Variants in PLCG2 observed in about 807,000 individuals in gnomAD.
PLCG2 encodes the protein 1-phosphatidylinositol 4,5-bisphosphate phosphodiesterase gamma-2.
Under a neutral mutation model 175.6 loss-of-function variants are expected in PLCG2, and 69 were observed. The observed-to-expected ratio is 0.39, with a 90% CI of 0.32 to 0.48. The LOEUF (loss-of-function observed/expected upper bound fraction) is 0.48, where lower values mean the gene tolerates loss of function less well. Ranked by LOEUF, PLCG2 falls within the 20% of genes least tolerant of loss-of-function variation. The probability of loss-of-function intolerance (pLI) is 0.91; values close to 1 mark genes in which losing one functional copy is unlikely to be tolerated. For synonymous variants in PLCG2, 827 were observed against 624.0 expected (o/e 1.33, Z -4.85); for missense variants, 1,798 against 1,650.9 (o/e 1.09, Z -1.54).
intron 2 of PLCG2, among the ~76,000 whole-genome samples, chr16:81,830,892 G>C (rs937794402): frequency 7.9e-5 from 12 of 151,978 alleles, no homozygotes; most frequent in African/African-American, 2.9e-4. Flanking sequence ...GTCCAGGCAG[G>C]AGAGGGGAGA....
intron 5 of PLCG2, among the ~76,000 whole-genome samples, chr16:81,860,426 G>A (rs868673843): frequency 1.3e-5 from 2 of 152,010 alleles, no homozygotes; most frequent in African/African-American, 4.8e-5. Context: ...ACGAATACCA[G>A]CAGCACAGCG....
intron 10 of PLCG2, among the ~76,000 whole-genome samples, chr16:81,890,410 A>G (rs2143598870): frequency 6.6e-6 from 1 of 152,192 alleles, no homozygotes; most frequent in East Asian, 1.9e-4. Flanking sequence ...GGCAAGATAG[A>G]GGTTGGTTAG....
intron 30 of PLCG2, among the ~76,000 whole-genome samples, chr16:81,943,064 T>C (rs1246309162): frequency 6.6e-6 from 1 of 152,164 alleles, no homozygotes; most frequent in Non-Finnish European, 1.5e-5. Context: ...TAGTGTCAGA[T>C]AGTACTGTCC....
chr16:81,954,178 T>C, intron 31 of PLCG2, among the ~76,000 whole-genome samples: 1 of 152,026 alleles, frequency 6.6e-6, no homozygotes, highest in Non-Finnish European at 1.5e-5. Flanking sequence ...TATGCCACCA[T>C]GCCTGGCTAA....
rs117257099 is a variant in PLCG2, at chr16:81,930,663, G to A, written c.2582-834G>A. Among the ~76,000 whole-genome samples, 907 of 149,710 alleles carry A rather than the reference G, an allele frequency of 6.1e-3. 14 individuals carry two copies. Among genetic ancestry groups the A allele is most frequent in the East Asian group, 0.057 (289 of 5,066 alleles). ...CTAGGGAGGCTGAGGTGGGAGGATC[G>A]CATGAACTTGGAAGGTGGAGGCTGC... On this transcript the variant is annotated intron_variant, in intron 24 of 32. Coordinates refer to ENST00000564138, the MANE Select transcript of PLCG2 (RefSeq NM_002661.5).
At chr16:81,818,644 G>T (rs554220681) in intron 2 of PLCG2, among the ~76,000 whole-genome samples, 1 of 152,154 alleles carries the variant, frequency 6.6e-6, no homozygotes, top group Non-Finnish European at 1.5e-5. Flanking sequence ...CAACTAGCCG[G>T]GCATACCTTT....
intron 2 of PLCG2, among the ~76,000 whole-genome samples, chr16:81,836,616 C>T (rs946864839): frequency 6.6e-6 from 1 of 152,180 alleles, no homozygotes; most frequent in African/African-American, 2.4e-5. Flanking sequence ...TGGCACACTC[C>T]TTTGGTCCCA....
chr16:81,758,057 C>G (rs1050653365), intron 2 of PLCG2, among the ~76,000 whole-genome samples: 1 of 152,220 alleles, frequency 6.6e-6, no homozygotes, highest in African/African-American at 2.4e-5. Flanking sequence ...CTCTCTGCAG[C>G]TTCCACCTCA....
intron 7 of PLCG2, among the ~76,000 whole-genome samples, chr16:81,880,525 A>G (rs974392278): frequency 8.5e-5 from 13 of 152,162 alleles, no homozygotes; most frequent in African/African-American, 3.1e-4. Flanking sequence ...CAAAGAAAGG[A>G]AACAGGGTTA....
chr16:81,929,265 G>A lies in PLCG2; in HGVS notation c.2581+641G>A, dbSNP rs563633724. On this transcript the variant is annotated intron_variant, in intron 24 of 32. Transcript: ENST00000564138. ...CCCATGTGAAGGGACTCTGTAGCGG[G>A]CCTCCTTGTTCTGGGCAGCCCATGA... is the stretch of plus-strand genomic sequence containing the variant. 2.6e-5 allele frequency among the ~76,000 whole-genome samples: 4 copies of A among 152,314 alleles called. No individual in the cohort carries two copies. The East Asian group carries it at 7.7e-4, about 29-fold the overall frequency.
At chr16:81,842,000 T>G (rs1173142336) in intron 2 of PLCG2, among the ~76,000 whole-genome samples, 10 of 152,240 alleles carry the variant, frequency 6.6e-5, no homozygotes, top group Admixed American at 6.5e-4. Flanking sequence ...GGTGGAGCCC[T>G]CCTGGGGCCA....
At chr16:81,938,655 G>T (rs1910813871) in intron 28 of PLCG2, 146 bp from the exon 29 acceptor site, 2 of 607,258 alleles carry the variant, frequency 3.3e-6, no homozygotes, top group Non-Finnish European at 5.9e-6. Flanking sequence ...ACTGCAGAAG[G>T]TTGCTCCGGC....
In PLCG2 at chr16:81,931,558, G is replaced by C; in HGVS notation, c.2643G>C (p.Gln881His). ...SFVFILEPKQ[Q>H]GDPPVEFATD... ...TCTTCATCCTGGAGCCCAAGCAGCA[G>C]GGCGATCCTCCGGTGGAGTTTGCCA... Residue 881 changes from glutamine to histidine, a missense_variant, in exon 25 of 33, where the codon CAG (glutamine) becomes CAC (histidine). By Grantham distance (24) the Gln-to-His change is conservative (BLOSUM62 0). Transcript: ENST00000564138. 1 of 1,614,120 alleles carries C rather than the reference G, an allele frequency of 6.2e-7. No homozygotes were observed. The highest frequency in any genetic ancestry group is 8.5e-7 in the Non-Finnish European group (1 of 1,180,002).
chr16:81,858,069 T>C (rs978415569), intron 3 of PLCG2, 194 bp from the exon 4 acceptor site: 20 of 559,584 alleles, frequency 3.6e-5, no homozygotes, highest in Admixed American at 2.1e-4. Context: ...ATCATGAATG[T>C]GTGGCCCCAT....
intron 5 of PLCG2, among the ~76,000 whole-genome samples, chr16:81,862,840 C>G (rs539998911): frequency 6.6e-6 from 1 of 152,164 alleles, no homozygotes; most frequent in African/African-American, 2.4e-5. Context: ...CCACTGAGCT[C>G]CAGCCTGGGC....
rs145000127 is a variant in PLCG2, at chr16:81,822,073, C to T, written c.194-32371C>T. Among the ~76,000 whole-genome samples, 141 of 152,296 alleles carry T rather than the reference C, an allele frequency of 9.3e-4. 1 individual carries two copies. The highest frequency in any genetic ancestry group is 3.6e-3 in the Admixed American group (55 of 15,302). The stretch of plus-strand genomic sequence containing the variant: ...GCACCCTTACGCTGCAGAGATGCTG[C>T]AAATAGGGAGTGTCTTTTTTTTCTT... On this transcript the variant is annotated intron_variant, in intron 2 of 32. Coordinates refer to ENST00000564138, the MANE Select transcript of PLCG2 (RefSeq NM_002661.5).
At chr16:81,812,451 T>C (rs1315318769) in intron 2 of PLCG2, among the ~76,000 whole-genome samples, 5 of 152,216 alleles carry the variant, frequency 3.3e-5, no homozygotes, top group Non-Finnish European at 7.3e-5. Context: ...GATGATGAGC[T>C]TTTTTCCTAC....
intron 30 of PLCG2, 149 bp from the exon 31 acceptor site, chr16:81,946,026 T>A (rs1911135138): frequency 1.5e-6 from 1 of 668,224 alleles, no homozygotes; most frequent in Admixed American, 2.2e-5. Flanking sequence ...GGATAGGACC[T>A]CTGGCTTCCA....
In PLCG2 at chr16:81,919,531, A is replaced by G. The variant is rs777219718; in HGVS notation, c.2102A>G (p.His701Arg). 5.0e-6 allele frequency: 8 copies of G among 1,614,002 alleles called. No homozygotes were observed. Among genetic ancestry groups the G allele is most frequent in the Non-Finnish European group, 6.8e-6 (8 of 1,180,034 alleles). ...TGTCGCATCAACCGGGACGGCCGGC[A>G]CTTTGTGCTGGGGACCTCCGCCTAT... is the stretch of plus-strand genomic sequence containing the variant. ...KHCRINRDGRHFVLGTSAYFE... is the reference protein window; with the variant it reads ...KHCRINRDGRRFVLGTSAYFE... The change falls in exon 20 of 33, where the codon CAC (histidine) becomes CGC (arginine). Residue 701 changes from histidine to arginine, a missense_variant. Physicochemically the swap from His to Arg is conservative, Grantham distance 29. Transcript: ENST00000564138.
Sources: allele counts gnomAD v4.1 joint callset (sites outside exome capture counted in the v4.1 genomes callset), GRCh38; gene constraint gnomAD v4.1.1; transcripts MANE v1.5; gene names NCBI Gene and HGNC (gene_info 2026-07-23, HGNC 2026-07-21).